The following SEPTIN7 variants were observed in gnomAD, a reference collection of about 807,000 sequenced individuals.
SEPTIN7 encodes the protein septin 7.
A neutral mutation model predicts 63.3 loss-of-function variants in SEPTIN7; 10 were observed. That is an observed-to-expected ratio of 0.16 (90% CI 0.10 to 0.27). SEPTIN7 has a LOEUF of 0.27. Among genes scored for constraint, SEPTIN7 ranks in the 10% least tolerant of loss-of-function variants. The pLI is 1.00. For synonymous variants in SEPTIN7, 131 were observed against 165.3 expected, an observed-to-expected ratio of 0.79 and a Z score of 1.59; for missense variants, 310 against 521.0, an observed-to-expected ratio of 0.59 and a Z score of 3.94.
intron 1 of SEPTIN7, among the ~76,000 whole-genome samples, chr7:35,806,535 A>G (rs1173251828): frequency 6.6e-6 from 1 of 152,150 alleles, no homozygotes; most frequent in Admixed American, 6.5e-5. Context: ...AAGTAACTTC[A>G]TTATTGTATG....
chr7:35,900,849 A>G (rs1788281438), intron 12 of SEPTIN7: 1 of 152,198 alleles, frequency 6.6e-6, no homozygotes, highest in South Asian at 2.1e-4. Flanking sequence ...ACCTGTGAAG[A>G]GCTCTGGGCC....
chr7:35,837,983 C>T (rs1784162925), intron 3 of SEPTIN7, among the ~76,000 whole-genome samples: 1 of 152,140 alleles, frequency 6.6e-6, no homozygotes, highest in African/African-American at 2.4e-5. Flanking sequence ...CTTGCCTCGG[C>T]CTCCCAAAGT....
At chr7:35,878,132 C>T (rs1337097145) in intron 6 of SEPTIN7, among the ~76,000 whole-genome samples, 2 of 152,076 alleles carry the variant, frequency 1.3e-5, no homozygotes, top group Non-Finnish European at 2.9e-5. Context: ...CATCTGTATG[C>T]AGGCAGGCAG....
At chr7:35,859,793 T>C (rs1785405213) in intron 3 of SEPTIN7, among the ~76,000 whole-genome samples, 3 of 152,214 alleles carry the variant, frequency 2.0e-5, no homozygotes, top group Non-Finnish European at 4.4e-5. Flanking sequence ...CTGATATTAG[T>C]GTGGCTTCTC....
intron 3 of SEPTIN7, among the ~76,000 whole-genome samples, chr7:35,834,960 G>C (rs1006747748): frequency 2.9e-4 from 44 of 152,122 alleles, no homozygotes; most frequent in African/African-American, 8.7e-4. Context: ...CTGAGAATCT[G>C]TAACAGATTT....
intron 3 of SEPTIN7, among the ~76,000 whole-genome samples, chr7:35,845,387 G>A (rs6462629): frequency 0.35 from 53,511 of 152,024 alleles, 9,870 homozygotes; most frequent in East Asian, 0.48. Flanking sequence ...ATGATATGCA[G>A]TTAATAAGCT....
chr7:35,843,966 A>G (rs1185598621), intron 3 of SEPTIN7, among the ~76,000 whole-genome samples: 1 of 152,194 alleles, frequency 6.6e-6, no homozygotes, highest in Non-Finnish European at 1.5e-5. Context: ...ATCAAAGGCT[A>G]TAAATTGTTT....
At chr7:35,859,554 G>A (rs975404922) in intron 3 of SEPTIN7, among the ~76,000 whole-genome samples, 139 of 151,976 alleles carry the variant, frequency 9.1e-4, no homozygotes, top group African/African-American at 2.9e-3. Flanking sequence ...TTTATTTTCC[G>A]TCTAGTTGTT....
intron 1 of SEPTIN7, among the ~76,000 whole-genome samples, chr7:35,818,943 G>A (rs1335894086): frequency 2.0e-5 from 3 of 150,974 alleles, no homozygotes; most frequent in African/African-American, 7.3e-5. Flanking sequence ...TAATGTTTCT[G>A]TTTTATGTAT....
At chr7:35,821,074 C>A (rs1260440125) in intron 1 of SEPTIN7, among the ~76,000 whole-genome samples, 1 of 147,518 alleles carries the variant, frequency 6.8e-6, no homozygotes, top group Non-Finnish European at 1.5e-5. Flanking sequence ...CTGTTTTTTT[C>A]CAGTTGCCAC....
intron 6 of SEPTIN7, among the ~76,000 whole-genome samples, chr7:35,877,898 TGTTGAA>T (rs1019148320): frequency 6.6e-6 from 1 of 152,192 alleles, no homozygotes; most frequent in African/African-American, 2.4e-5. Context: ...CAGGGTTACC[TGTTGAA>T]GTTGAAGATA....
At chr7:35,882,748 T>G (rs1405833408) in intron 8 of SEPTIN7, among the ~76,000 whole-genome samples, 172 bp downstream of exon 8, 12 of 152,096 alleles carry the variant, frequency 7.9e-5, no homozygotes, top group East Asian at 3.8e-4. Flanking sequence ...TTAGCTAGTA[T>G]ATATAATAAG....
chr7:35,884,402 A>G (rs1472621220), intron 9 of SEPTIN7, among the ~76,000 whole-genome samples: 1 of 152,200 alleles, frequency 6.6e-6, no homozygotes, highest in Non-Finnish European at 1.5e-5. Context: ...AAAAAATTCA[A>G]AACACTTCTG....
intron 4 of SEPTIN7, among the ~76,000 whole-genome samples, chr7:35,868,417 A>G (rs1365999024): frequency 6.6e-6 from 1 of 152,210 alleles, no homozygotes; most frequent in African/African-American, 2.4e-5. Context: ...TACAATGATG[A>G]TAGACAAAAA....
chr7:35,845,478 T>C (rs1460198625), intron 3 of SEPTIN7, among the ~76,000 whole-genome samples: 2 of 152,216 alleles, frequency 1.3e-5, no homozygotes, highest in African/African-American at 4.8e-5. Context: ...AAATGTGTGC[T>C]CTTTGTAATT....
At chr7:35,874,779 A>T (rs556487114) in intron 6 of SEPTIN7, among the ~76,000 whole-genome samples, 2 of 152,200 alleles carry the variant, frequency 1.3e-5, no homozygotes, top group African/African-American at 4.8e-5. Flanking sequence ...TGGAGTAAAG[A>T]TGTTTCTTCT....
intron 7 of SEPTIN7, 51 bp from the exon 8 acceptor site, chr7:35,882,433 A>G: frequency 6.1e-6 from 8 of 1,311,900 alleles, no homozygotes; most frequent in Non-Finnish European, 7.0e-6. Context: ...CATAAGACTA[A>G]TATACTAATT....
intron 3 of SEPTIN7, among the ~76,000 whole-genome samples, chr7:35,842,029 A>G (rs1295977753): frequency 6.6e-6 from 1 of 152,208 alleles, no homozygotes; most frequent in East Asian, 1.9e-4. Flanking sequence ...TCTAGCACCA[A>G]AGGAGGTCAG....
intron 3 of SEPTIN7, among the ~76,000 whole-genome samples, chr7:35,862,437 T>C (rs1785559225): frequency 2.6e-5 from 4 of 152,206 alleles, no homozygotes; most frequent in Non-Finnish European, 1.5e-5. Flanking sequence ...AAAAGAAATA[T>C]TGTAGATATT....
Sources: gnomAD v4.1 joint callset for allele counts (sites outside exome capture counted in the v4.1 genomes callset) on GRCh38, gnomAD v4.1.1 for gene constraint, MANE v1.5 for transcripts, NCBI Gene and HGNC (gene_info 2026-07-23, HGNC 2026-07-21) for gene names.